VAV1: variants seen among roughly 807,000 people sequenced by gnomAD.
The protein encoded by VAV1 is vav guanine nucleotide exchange factor 1, also known as proto-oncogene vav.
Under a neutral mutation model 128.1 loss-of-function variants are expected in VAV1, and 33 were observed. The observed-to-expected ratio is 0.26, with a 90% CI of 0.20 to 0.34. VAV1 has a LOEUF of 0.34. Among genes scored for constraint, VAV1 ranks in the 10% least tolerant of loss-of-function variants. VAV1 has a pLI of 1.00. For synonymous variants in VAV1, 394 were observed against 409.8 expected (o/e 0.96, Z 0.47); for missense variants, 715 against 1,093.7 (o/e 0.65, Z 4.88).
chr19:6,824,132 G>A (rs916076212), intron 6 of VAV1, among the ~76,000 whole-genome samples: 1 of 151,622 alleles, frequency 6.6e-6, no homozygotes, highest in African/African-American at 2.4e-5. Context: ...GTAGATATGG[G>A]GTCTTGCTAT....
intron 1 of VAV1, among the ~76,000 whole-genome samples, chr19:6,780,210 A>G (rs960707538): frequency 6.7e-6 from 1 of 150,200 alleles, no homozygotes; most frequent in African/African-American, 2.4e-5. Flanking sequence ...TCTTGGGCAC[A>G]TTAGTAAACC....
intron 1 of VAV1, among the ~76,000 whole-genome samples, chr19:6,804,915 A>G (rs1234863028): frequency 7.3e-5 from 11 of 150,932 alleles, no homozygotes; most frequent in Non-Finnish European, 1.5e-4. Context: ...AGTAGAGATG[A>G]GTTTTCACCA....
chr19:6,835,794 A>C (rs1972207425), intron 19 of VAV1: 1 of 152,158 alleles, frequency 6.6e-6, no homozygotes, highest in African/African-American at 2.4e-5. Context: ...TATTGAGGAC[A>C]TTTGGTTGGT....
At position 6,792,305 on chromosome 19, in the gene VAV1, T is replaced by C. The variant is rs1483923245; in HGVS notation, c.204+19294T>C. Among the ~76,000 whole-genome samples, 2 of 151,442 alleles carry C rather than the reference T, an allele frequency of 1.3e-5. 1 individual carries two copies. The highest frequency in any genetic ancestry group is 4.2e-4 in the South Asian group (2 of 4,792). Reference sequence around the variant, plus strand: ...GTCATGGATCCAGCTCACATTTTCATTGAGGAGGAAGGGTGGAGGTGGATG... The same window carrying C: ...GTCATGGATCCAGCTCACATTTTCACTGAGGAGGAAGGGTGGAGGTGGATG... On this transcript the variant is annotated intron_variant, in intron 1 of 26. Transcript: ENST00000602142.
At chr19:6,801,005 T>C (rs1031440902) in intron 1 of VAV1, among the ~76,000 whole-genome samples, 1 of 152,170 alleles carries the variant, frequency 6.6e-6, no homozygotes, top group African/African-American at 2.4e-5. Context: ...CCTCCTGCAT[T>C]TAACCAGGTC....
intron 1 of VAV1, among the ~76,000 whole-genome samples, chr19:6,814,667 C>CCTTCCTTT: frequency 4.0e-5 from 1 of 25,100 alleles, no homozygotes; most frequent in African/African-American, 2.3e-4. Flanking sequence ...TTCCTTCCTT[C>CCTTCCTTT]CTTCCTTTCT....
At chr19:6,780,073 T>C (rs1159650976) in intron 1 of VAV1, among the ~76,000 whole-genome samples, 2 of 147,566 alleles carry the variant, frequency 1.4e-5, no homozygotes, top group African/African-American at 4.9e-5. Context: ...ATCAGGCCAC[T>C]GCACTCCAGC....
At chr19:6,839,818 G>A (rs1024239529) in intron 21 of VAV1, among the ~76,000 whole-genome samples, 2 of 152,076 alleles carry the variant, frequency 1.3e-5, no homozygotes, top group Non-Finnish European at 2.9e-5. Flanking sequence ...CGCCTCCCAA[G>A]TAGCTGGGAC....
At position 6,825,317 on chromosome 19, in the gene VAV1, T is replaced by C. The variant is rs61761611; in HGVS notation, c.738T>C (p.Val246=). The C allele has an allele frequency of 4.5e-4, 721 of 1,612,746 alleles. 3 individuals are homozygous for C. The highest frequency in any genetic ancestry group is 9.2e-4 in the Middle Eastern group (5 of 5,432). The part of the protein sequence containing the change: ...IFINIEDLLR[V]HTHFLKEMKE... ...CCTCCGAGTAGGACCTGCTTCGTGTTCATACTCACTTCCTAAAGGAGATGA... is the reference window on the plus strand; with the variant it reads ...CCTCCGAGTAGGACCTGCTTCGTGTCCATACTCACTTCCTAAAGGAGATGA... Residue 246 remains valine (V), a synonymous_variant, in exon 8 of 27, where the codon GTT becomes GTC. Transcript: ENST00000602142.
chr19:6,784,493 CTTTT>C lies in VAV1; in HGVS notation c.204+11497_204+11500del, dbSNP rs10590205. 8.1e-3 allele frequency among the ~76,000 whole-genome samples: 1,124 copies of C among 138,008 alleles called. 11 individuals carry two copies. Among genetic ancestry groups the C allele is most frequent in the African/African-American group, 0.027 (1,031 of 37,560 alleles). 90.5% of individuals were successfully genotyped at this position (138,008 alleles called of 152,430 possible). ...CATCCCTTTCCATTCCATTCTGTTC[CTTTT>C]TTTTTTTTTTTTTTGAGACAGAGTT... On this transcript the variant is annotated intron_variant, in intron 1 of 26. Coordinates refer to ENST00000602142, the MANE Select transcript of VAV1 (RefSeq NM_005428.4).
rs145498795 is a variant in VAV1, at chr19:6,855,435, C to G, written c.2484+1337C>G. Among the ~76,000 whole-genome samples the G allele has an allele frequency of 2.2e-3, 334 of 151,942 alleles. 6 individuals carry two copies. Among genetic ancestry groups the G allele is most frequent in the Admixed American group, 5.9e-3 (90 of 15,244 alleles). ...ATCCATCTATCCATCTATCTATCCA[C>G]AAATCATCCATTCATCTGTGCATCC... On this transcript the variant is annotated intron_variant, in intron 26 of 26. Coordinates refer to ENST00000602142, the MANE Select transcript of VAV1 (RefSeq NM_005428.4).
intron 1 of VAV1, among the ~76,000 whole-genome samples, chr19:6,817,193 G>A (rs1471327084): frequency 2.6e-5 from 4 of 151,624 alleles, no homozygotes; most frequent in Non-Finnish European, 5.9e-5. Context: ...GATTACAGGT[G>A]CCCGCCACCA....
intron 1 of VAV1, among the ~76,000 whole-genome samples, chr19:6,783,928 C>T (rs1445429995): frequency 1.3e-5 from 2 of 151,902 alleles, no homozygotes; most frequent in African/African-American, 4.8e-5. Context: ...CTCACTGGCT[C>T]CAGAAATGCA....
At chr19:6,846,936 CAG>C (rs1972537626) in intron 22 of VAV1, among the ~76,000 whole-genome samples, 1 of 142,740 alleles carries the variant, frequency 7.0e-6, no homozygotes, top group Non-Finnish European at 1.5e-5. Context: ...TTTTTGGAGA[CAG>C]AGTTTCGCAC....
intron 1 of VAV1, among the ~76,000 whole-genome samples, chr19:6,800,218 C>G (rs1971235665): frequency 6.6e-6 from 1 of 151,942 alleles, no homozygotes; most frequent in Admixed American, 6.6e-5. Context: ...ATAGTAATAA[C>G]AAGGAAAACG....
At position 6,809,934 on chromosome 19, in the gene VAV1, G is replaced by A. The variant is rs182780946; in HGVS notation, c.205-10768G>A. ...GCCTGTAATACCAGCACTTTGGGAA[G>A]CCAAGACAAGCTAATTGTTTGAGGC... On this transcript the variant is annotated intron_variant, in intron 1 of 26. Transcript: ENST00000602142. Among the ~76,000 whole-genome samples the A allele has an allele frequency of 3.6e-3, 546 of 152,168 alleles. 5 individuals are homozygous for A. Among genetic ancestry groups the A allele is most frequent in the Non-Finnish European group, 4.4e-3 (300 of 68,006 alleles).
intron 19 of VAV1, among the ~76,000 whole-genome samples, chr19:6,835,058 T>TAA (rs1972187276): frequency 6.6e-6 from 1 of 151,950 alleles, no homozygotes; most frequent in Non-Finnish European, 1.5e-5. Context: ...AATAAAAAAA[T>TAA]AAATATATGA....
chr19:6,785,879 G>C (rs961016840), intron 1 of VAV1, among the ~76,000 whole-genome samples: 4 of 151,482 alleles, frequency 2.6e-5, no homozygotes, highest in Non-Finnish European at 4.4e-5. Flanking sequence ...AGCTGGTCTT[G>C]AACTCATGAC....
In VAV1 at chr19:6,857,195, C is replaced by T. The variant is rs893492163; in HGVS notation, c.*88C>T. ...CGGAGCCAGGGGCTGTGACAGCTCC[C>T]GGCGGGTGGAGACTTTGGGATGGAC... On this transcript the variant is annotated 3_prime_UTR_variant, in exon 27 of 27. Transcript: ENST00000602142. 26 of 1,573,694 alleles carry T rather than the reference C, an allele frequency of 1.7e-5. No homozygotes were observed. Among genetic ancestry groups the T allele is most frequent in the African/African-American group, 2.7e-5 (2 of 74,242 alleles).
Sources: gnomAD v4.1 joint callset for allele counts (sites outside exome capture counted in the v4.1 genomes callset) on GRCh38, gnomAD v4.1.1 for gene constraint, MANE v1.5 for transcripts, NCBI Gene and HGNC (gene_info 2026-07-23, HGNC 2026-07-21) for gene names.